Variants in MORC3 observed in about 807,000 individuals in gnomAD.
MORC3 encodes the protein MORC family CW-type zinc finger 3.
MORC3 carries 31 observed loss-of-function variants against 109.1 expected under a neutral mutation model. That is an observed-to-expected ratio of 0.28 (90% confidence interval 0.21 to 0.38). MORC3 has a LOEUF of 0.38. Among genes scored for constraint, MORC3 ranks in the 10% least tolerant of loss-of-function variants. MORC3 has a pLI of 1.00. For missense variants in MORC3, 867 were observed against 1,135.8 expected, an observed-to-expected ratio of 0.76 and a Z score of 3.40; for synonymous variants, 395 against 380.7, an observed-to-expected ratio of 1.04 and a Z score of -0.44.
At chr21:36,323,635 T>C (rs1438345905) in intron 1 of MORC3, among the ~76,000 whole-genome samples, 2 of 152,180 alleles carry the variant, frequency 1.3e-5, no homozygotes, top group Admixed American at 6.5e-5. Context: ...ATAATTTGGC[T>C]GGATTTGCAT....
intron 9 of MORC3, among the ~76,000 whole-genome samples, chr21:36,350,679 A>G (rs2085561001): frequency 1.3e-5 from 2 of 152,186 alleles, no homozygotes; most frequent in Admixed American, 1.3e-4. Flanking sequence ...AAATTACTAC[A>G]GAGCCTCCAG....
At chr21:36,366,762 C>T (rs2085786499) in intron 14 of MORC3, among the ~76,000 whole-genome samples, 2 of 152,122 alleles carry the variant, frequency 1.3e-5, no homozygotes, top group South Asian at 2.1e-4. Flanking sequence ...GCCTATTAAA[C>T]AGTTTTTAAA....
chr21:36,327,323 A>AGCAGGAGCTTAGTCCAAAACAG (rs1569087137), intron 1 of MORC3, among the ~76,000 whole-genome samples: 16 of 149,612 alleles, frequency 1.1e-4, no homozygotes, highest in African/African-American at 3.7e-4. Flanking sequence ...CACCTGGCTA[A>AGCAGGAGCTTAGTCCAAAACAG]TTTTTTTGGC....
Position 36,369,160 on chromosome 21 carries a change from T to C in MORC3, c.1792T>C (p.Ser598Pro), listed in dbSNP as rs371203334. 2.5e-6 allele frequency: 4 copies of C among 1,613,962 alleles called. No individual in the cohort carries two copies. Among genetic ancestry groups the C allele is most frequent in the Non-Finnish European group, 3.4e-6 (4 of 1,180,034 alleles). Residue 598 changes from serine to proline, a missense_variant, in exon 15 of 17, where the codon TCA (serine) becomes CCA (proline). Ser to Pro is a moderately conservative substitution (Grantham distance 74, BLOSUM62 -1). This residue lies in a region of MORC3 where 486 missense variants were observed against 502.1 expected (regional missense o/e 0.97). Transcript: ENST00000400485. The part of the protein sequence containing the change: ...PAVDHDIDMK[S>P]EQSHVEQGGV... Reference sequence around the variant, plus strand: ...AGTAGATCATGATATTGACATGAAATCAGAACAGAGTCACGTTGAGCAAGG... The same window carrying C: ...AGTAGATCATGATATTGACATGAAACCAGAACAGAGTCACGTTGAGCAAGG...
chr21:36,373,760 C>A (rs945994510), intron 16 of MORC3, among the ~76,000 whole-genome samples: 1 of 152,132 alleles, frequency 6.6e-6, no homozygotes, highest in Non-Finnish European at 1.5e-5. Context: ...ACATCTTGAT[C>A]CCTTCATAGA....
In MORC3 at chr21:36,369,848, G is replaced by A. The variant is rs757924042; in HGVS notation, c.2480G>A (p.Ser827Asn). ...DDVFRQLDKC[S>N]IERDQYKSEV... ...GTGTTTAGACAACTGGACAAATGCA[G>A]TATTGAGAGGGACCAGTATAAAAGT... Residue 827 changes from serine (S) to asparagine (N), a missense_variant, in exon 15 of 17, where the codon AGT (serine) becomes AAT (asparagine). Ser to Asn is a conservative substitution (Grantham distance 46, BLOSUM62 1). Coordinates refer to ENST00000400485, the MANE Select transcript of MORC3 (RefSeq NM_015358.3). The A allele has an allele frequency of 2.9e-5, 46 of 1,613,016 alleles. No individual in the cohort carries two copies. The Middle Eastern group carries it at 1.6e-3, about 58-fold the overall frequency.
At chr21:36,366,462 CT>C (rs59413785) in intron 14 of MORC3, among the ~76,000 whole-genome samples, 176 of 146,088 alleles carry the variant, frequency 1.2e-3, no homozygotes, top group Admixed American at 1.4e-3. Flanking sequence ...GATTAAACAA[CT>C]TTTTTTTTTT....
chr21:36,360,341 C>CCAA (rs1601534458), intron 12 of MORC3, 83 bp downstream of exon 12: 2 of 1,359,754 alleles, frequency 1.5e-6, no homozygotes, highest in East Asian at 2.3e-5. Flanking sequence ...TGATGCTTCT[C>CCAA]CAAGGTAAAG....
At chr21:36,357,883 G>A (rs2085663637) in intron 10 of MORC3, among the ~76,000 whole-genome samples, 1 of 151,604 alleles carries the variant, frequency 6.6e-6, no homozygotes, top group Admixed American at 6.6e-5. Flanking sequence ...TGGGACTACA[G>A]GCGTGTGCCA....
chr21:36,344,498 G>A, intron 6 of MORC3, 81 bp from the exon 7 acceptor site: 1 of 1,443,660 alleles, frequency 6.9e-7, no homozygotes, highest in Non-Finnish European at 9.4e-7. Flanking sequence ...CAAGTTAATA[G>A]GAGAGCTTCT....
intron 1 of MORC3, among the ~76,000 whole-genome samples, chr21:36,332,324 A>T (rs2087238): frequency 0.73 from 111,014 of 151,864 alleles, 41,661 homozygotes; most frequent in East Asian, 1. Context: ...TAATCCCAGC[A>T]ACTCGGGAGT....
chr21:36,375,019 C>CT, intron 16 of MORC3, 124 bp from the exon 17 acceptor site: 1 of 1,038,950 alleles, frequency 9.6e-7, no homozygotes, highest in Non-Finnish European at 1.3e-6. Flanking sequence ...GGAGGTTTTG[C>CT]TTTTCCTTTT....
chr21:36,332,034 G>A (rs1377502162), intron 1 of MORC3, among the ~76,000 whole-genome samples: 2 of 152,010 alleles, frequency 1.3e-5, no homozygotes, highest in South Asian at 2.1e-4. Flanking sequence ...CCAGCTACTC[G>A]GGAGGCTGAG....
intron 14 of MORC3, among the ~76,000 whole-genome samples, chr21:36,365,684 GA>G (rs1337155487): frequency 6.6e-6 from 1 of 152,058 alleles, no homozygotes; most frequent in African/African-American, 2.4e-5. Context: ...TGGTTCATGC[GA>G]TTCCCCCACC....
At chr21:36,325,672 C>T (rs1296573682) in intron 1 of MORC3, among the ~76,000 whole-genome samples, 6 of 152,210 alleles carry the variant, frequency 3.9e-5, no homozygotes. Context: ...GTAGTCCCCC[C>T]TTATCTGCAG....
At position 36,328,619 on chromosome 21, in the gene MORC3, G is replaced by T. The variant is rs137888155; in HGVS notation, c.40-5027G>T. 3.2e-4 allele frequency among the ~76,000 whole-genome samples: 49 copies of T among 152,230 alleles called. No homozygotes were observed. The Middle Eastern group carries it at 0.01, about 32-fold the overall frequency. On this transcript the variant is annotated intron_variant, in intron 1 of 16. Coordinates refer to ENST00000400485, the MANE Select transcript of MORC3 (RefSeq NM_015358.3). Reference sequence around the variant, plus strand: ...GCTTCCCAAAGTGGTGGGATTACAGGCATGAGCCACCGCGCCTGGCCAATT... The same window carrying T: ...GCTTCCCAAAGTGGTGGGATTACAGTCATGAGCCACCGCGCCTGGCCAATT...
At chr21:36,326,754 T>C (rs983890609) in intron 1 of MORC3, among the ~76,000 whole-genome samples, 2 of 152,170 alleles carry the variant, frequency 1.3e-5, no homozygotes, top group African/African-American at 4.8e-5. Flanking sequence ...TGCGTTAGGA[T>C]TTCCTTGTTT....
At chr21:36,337,597 AG>A in intron 3 of MORC3, 134 bp from the exon 4 acceptor site, 1 of 550,378 alleles carries the variant, frequency 1.8e-6, no homozygotes, top group Non-Finnish European at 2.9e-6. Flanking sequence ...AGGAAGGGTG[AG>A]GCCAGTATTT....
chr21:36,355,240 A>G (rs922030464), intron 9 of MORC3, among the ~76,000 whole-genome samples: 3 of 152,166 alleles, frequency 2.0e-5, no homozygotes, highest in African/African-American at 7.2e-5. Context: ...TTTCGGGACA[A>G]GTAGACCACT....
Sources: allele counts gnomAD v4.1 joint callset (sites outside exome capture counted in the v4.1 genomes callset), GRCh38; gene constraint gnomAD v4.1.1; regional missense constraint gnomAD v4.1.1; transcripts MANE v1.5; gene names NCBI Gene and HGNC (gene_info 2026-07-23, HGNC 2026-07-21).